JOSD1: variants seen among roughly 807,000 people sequenced by gnomAD.
JOSD1 encodes josephin-1.
Under a neutral mutation model 24.3 loss-of-function variants are expected in JOSD1, and 11 were observed. The ratio of observed to expected loss-of-function variants is 0.45; its 90% CI spans 0.29 to 0.75. The LOEUF (loss-of-function observed/expected upper bound fraction) is 0.75. JOSD1 is among the 30% of genes least tolerant of loss of function. The pLI is 0.11. For synonymous variants in JOSD1, 106 were observed against 93.8 expected, an observed-to-expected ratio of 1.13 and a Z score of -0.75; for missense variants, 184 against 253.5, an observed-to-expected ratio of 0.73 and a Z score of 1.86.
At chr22:38,688,254 T>C (rs1029861559) in intron 4 of JOSD1, among the ~76,000 whole-genome samples, 3 of 152,064 alleles carry the variant, frequency 2.0e-5, no homozygotes, top group Admixed American at 6.5e-5. Flanking sequence ...CCAAAGTATA[T>C]AAAGGACTTT....
At chr22:38,691,884 C>T (rs1299338591) in intron 2 of JOSD1, among the ~76,000 whole-genome samples, 1 of 152,218 alleles carries the variant, frequency 6.6e-6, no homozygotes, top group East Asian at 1.9e-4. Flanking sequence ...CTACACTAGA[C>T]TGACAGCAGG....
chr22:38,700,804 C>T lies in JOSD1; in HGVS notation c.-636G>A. 1 of 985,092 alleles carries T rather than the reference C, an allele frequency of 1.0e-6. No homozygotes were observed. 61.0% of individuals were successfully genotyped at this position (985,092 alleles called of 1,614,324 possible). A position where few individuals can be genotyped will look rare whatever the true frequency, so the allele number is the denominator to read the frequency against. ...GCTCGCAGCCCCTACACAAACCTCC[C>T]CGCCCGTCACGTGAGCGCAGGCCCA... is the stretch of plus-strand genomic sequence containing the variant. On this transcript the variant is annotated 5_prime_UTR_variant, in exon 1 of 5. Coordinates refer to ENST00000683374, the MANE Select transcript of JOSD1 (RefSeq NM_001360236.2).
intron 2 of JOSD1, among the ~76,000 whole-genome samples, chr22:38,691,625 T>G (rs1157179720): frequency 6.6e-6 from 1 of 152,218 alleles, no homozygotes; most frequent in Non-Finnish European, 1.5e-5. Context: ...CTTTCTGTAG[T>G]TCCTTATTGT....
At chr22:38,698,593 G>A (rs772474427) in intron 2 of JOSD1, among the ~76,000 whole-genome samples, 1 of 152,166 alleles carries the variant, frequency 6.6e-6, no homozygotes, top group East Asian at 1.9e-4. Flanking sequence ...TCTCTGCAGC[G>A]AGGACTGCGC....
At chr22:38,700,672 G>T (rs2092565185) in intron 1 of JOSD1, 54 bp from the exon 2 acceptor site, 14 of 979,090 alleles carry the variant, frequency 1.4e-5, no homozygotes, top group Non-Finnish European at 1.7e-5. Context: ...GGAAGTGAGC[G>T]GCGGGGCCGG....
At chr22:38,688,140 C>T (rs1306568002) in intron 4 of JOSD1, 139 bp from the exon 5 acceptor site, 1 of 644,464 alleles carries the variant, frequency 1.6e-6, no homozygotes, top group East Asian at 2.7e-5. Context: ...TTGGAGGGTT[C>T]CACATTTGGT....
At chr22:38,692,887 C>T (rs1399706957) in intron 2 of JOSD1, among the ~76,000 whole-genome samples, 1 of 151,926 alleles carries the variant, frequency 6.6e-6, no homozygotes, top group Non-Finnish European at 1.5e-5. Flanking sequence ...GTTTCTTGTT[C>T]CTTTCACTGA....
In JOSD1 at chr22:38,688,943, G is replaced by A. The variant is rs1299006277; in HGVS notation, c.501C>T (p.Ser167=). The change falls in exon 4 of 5, where the codon AGC becomes AGT. Residue 167 remains serine, a synonymous_variant. Transcript: ENST00000683374. Reference sequence around the variant, plus strand: ...CAAAAGGTGCCGATTACCTGAGCTCGCTCTCGCCTCCAATCCACTCGGGCA... The same window carrying A: ...CAAAAGGTGCCGATTACCTGAGCTCACTCTCGCCTCCAATCCACTCGGGCA... ...LKMPEWIGGE[S]ELRKFLKHHL... 4 of 1,613,168 alleles carry A rather than the reference G, an allele frequency of 2.5e-6. No individual in the cohort carries two copies. Among genetic ancestry groups the A allele is most frequent in the South Asian group, 1.1e-5 (1 of 91,016 alleles).
At chr22:38,690,397 A>ATT (rs969491846) in intron 2 of JOSD1, among the ~76,000 whole-genome samples, 5 of 151,606 alleles carry the variant, frequency 3.3e-5, no homozygotes, top group Non-Finnish European at 7.4e-5. Flanking sequence ...AAATACTGGT[A>ATT]TTTTTTTTCT....
rs542908391 is a variant in JOSD1, at chr22:38,692,665, C to A, written c.186-3241G>T. On this transcript the variant is annotated intron_variant, in intron 2 of 4. Coordinates refer to ENST00000683374, the MANE Select transcript of JOSD1 (RefSeq NM_001360236.2). Reference sequence around the variant, plus strand: ...GTGTGGTGGCAGGTGCCTGTAATCCCAGCTACTCGGGAGGCTGAGGCAGGA... The same window carrying A: ...GTGTGGTGGCAGGTGCCTGTAATCCAAGCTACTCGGGAGGCTGAGGCAGGA... 6.0e-5 allele frequency among the ~76,000 whole-genome samples: 9 copies of A among 151,150 alleles called. No individual in the cohort carries two copies. The South Asian group carries it at 1.9e-3, about 32-fold the overall frequency.
intron 2 of JOSD1, among the ~76,000 whole-genome samples, chr22:38,698,317 A>G (rs2092553704): frequency 6.6e-6 from 1 of 152,198 alleles, no homozygotes; most frequent in Non-Finnish European, 1.5e-5. Flanking sequence ...CTGGTAAGGC[A>G]TTACTCTGGT....
intron 2 of JOSD1, among the ~76,000 whole-genome samples, chr22:38,693,287 G>A (rs1464825254): frequency 1.3e-5 from 2 of 152,048 alleles, no homozygotes; most frequent in Non-Finnish European, 2.9e-5. Flanking sequence ...TTCTGTCTTG[G>A]ATTCAAATCC....
rs201251507 is a variant in JOSD1, at chr22:38,699,967, T to C, written c.21A>G (p.Lys7=). 1.2e-6 allele frequency: 2 copies of C among 1,609,428 alleles called. No individual in the cohort carries two copies. The highest frequency in any genetic ancestry group is 1.7e-6 in the Non-Finnish European group (2 of 1,177,462). ...ATGATTCAGATTTGGCCTTGTCTCCTTTCCATGGCACACAACTCATGTTTT... is the reference window on the plus strand; with the variant it reads ...ATGATTCAGATTTGGCCTTGTCTCCCTTCCATGGCACACAACTCATGTTTT... The part of the protein sequence containing the change: MSCVPW[K]GDKAKSESLE... The change falls in exon 2 of 5, where the codon AAA becomes AAG. Residue 7 remains lysine (K), a synonymous_variant. Transcript: ENST00000683374.
intron 2 of JOSD1, among the ~76,000 whole-genome samples, chr22:38,694,329 G>C (rs1193696545): frequency 1.3e-5 from 2 of 152,216 alleles, no homozygotes; most frequent in Non-Finnish European, 2.9e-5. Context: ...GGCAGGGCTA[G>C]GGTCAGCCTC....
intron 2 of JOSD1, among the ~76,000 whole-genome samples, chr22:38,695,444 G>GATTT (rs774166895): frequency 8.7e-6 from 1 of 114,774 alleles, no homozygotes; most frequent in Non-Finnish European, 1.8e-5. Context: ...TTTTTGCCTA[G>GATTT]TTTTTTTTTT....
At chr22:38,699,693 C>G (rs926299) in intron 2 of JOSD1, 110 bp downstream of exon 2, 334,338 of 1,030,820 alleles carry the variant, frequency 0.32, 56,946 homozygotes, top group African/African-American at 0.51. Flanking sequence ...CCTGCTAACG[C>G]AATCTAGCTA....
rs147460721 is a variant in JOSD1 at position 38,688,262 on chromosome 22, T to A, written c.510-261A>T. On this transcript the variant is annotated intron_variant, in intron 4 of 4. Transcript: ENST00000683374. ...ACAGTACCCAAAGTATATAAAGGAC[T>A]TTTTCTTGGTTTGTTTGGAGACGGA... Among the ~76,000 whole-genome samples, 892 of 152,284 alleles carry A rather than the reference T, an allele frequency of 5.9e-3. 3 individuals carry two copies. Among genetic ancestry groups the A allele is most frequent in the Middle Eastern group, 0.014 (4 of 294 alleles).
rs2092498910 is a variant in JOSD1 at position 38,686,572 on chromosome 22, A to AG, written c.*1329dup. 1 of 152,318 alleles carries AG rather than the reference A, an allele frequency of 6.6e-6. No individual in the cohort carries two copies. Among genetic ancestry groups the AG allele is most frequent in the African/African-American group, 2.4e-5 (1 of 41,458 alleles). The allele number at this position is 152,318 out of a possible 1,614,324, so 9.4% of individuals were successfully genotyped here. Reference sequence around the variant, plus strand: ...GTGGCCTACAACTATCTGAAGAGGTAGGGGCGGGTTGAACTTCCATTGATA... The same window carrying AG: ...GTGGCCTACAACTATCTGAAGAGGTAGGGGGCGGGTTGAACTTCCATTGATA... On this transcript the variant is annotated 3_prime_UTR_variant, in exon 5 of 5. Transcript: ENST00000683374.
intron 2 of JOSD1, among the ~76,000 whole-genome samples, chr22:38,696,689 C>G (rs1428675363): frequency 2.0e-5 from 3 of 152,202 alleles, no homozygotes; most frequent in Non-Finnish European, 2.9e-5. Context: ...GATGTTACCA[C>G]TATGTTCAAA....
Sources: gnomAD v4.1 joint callset for allele counts (sites outside exome capture counted in the v4.1 genomes callset) on GRCh38, gnomAD v4.1.1 for gene constraint, MANE v1.5 for transcripts, NCBI Gene and HGNC (gene_info 2026-07-23, HGNC 2026-07-21) for gene names.